PLCB4: variants seen among roughly 807,000 people sequenced by gnomAD.
PLCB4 encodes 1-phosphatidylinositol 4,5-bisphosphate phosphodiesterase beta-4.
Under a neutral mutation model 178.8 loss-of-function variants are expected in PLCB4, and 77 were observed. That is an observed-to-expected ratio of 0.43 (90% confidence interval 0.36 to 0.52). The LOEUF is 0.52. Ranked by LOEUF, PLCB4 falls within the 20% of genes least tolerant of loss-of-function variation. The probability of loss-of-function intolerance (pLI) is 0.00; values close to 1 mark genes in which losing one functional copy is unlikely to be tolerated. For synonymous variants in PLCB4, 496 were observed against 490.8 expected, an observed-to-expected ratio of 1.01 and a Z score of -0.14; for missense variants, 1,024 against 1,453.4, an observed-to-expected ratio of 0.70 and a Z score of 4.80.
At chr20:9,465,687 G>T (rs1036320355) in intron 35 of PLCB4, among the ~76,000 whole-genome samples, 1 of 152,138 alleles carries the variant, frequency 6.6e-6, no homozygotes. Flanking sequence ...ATTTGCATTT[G>T]CTACAAAGAG....
chr20:9,387,548 C>CT lies in PLCB4; in HGVS notation c.1155dup (p.Lys386Ter). On this transcript the variant is annotated frameshift_variant, in exon 15 of 40. Transcript: ENST00000378473. LOFTEE classifies it high-confidence loss of function. ...TGGAAAAGCAATGTGTACAGATATC[C>CT]TTTTTAAGGTAACTTTAAAAATAAT... 1 of 1,495,494 alleles carries CT rather than the reference C, an allele frequency of 6.7e-7. No individual in the cohort carries two copies. The highest frequency in any genetic ancestry group is 9.2e-7 in the Non-Finnish European group (1 of 1,084,740). 92.6% of individuals were successfully genotyped at this position (1,495,494 alleles called of 1,614,324 possible). A position where few individuals can be genotyped will look rare whatever the true frequency, so the allele number is the denominator to read the frequency against.
chr20:9,242,325 A>T (rs1044922949), intron 3 of PLCB4, among the ~76,000 whole-genome samples: 2 of 152,222 alleles, frequency 1.3e-5, no homozygotes, highest in Admixed American at 6.5e-5. Flanking sequence ...AGAAAGAGTC[A>T]TTATGAAGAG....
intron 2 of PLCB4, among the ~76,000 whole-genome samples, chr20:9,125,997 G>A (rs1166532692): frequency 6.6e-6 from 1 of 152,032 alleles, no homozygotes; most frequent in Non-Finnish European, 1.5e-5. Flanking sequence ...CAGAAAAGGG[G>A]ACAAATTTGT....
chr20:9,268,271 G>C (rs1391314052), intron 3 of PLCB4, among the ~76,000 whole-genome samples: 1 of 152,140 alleles, frequency 6.6e-6, no homozygotes, highest in African/African-American at 2.4e-5. Context: ...CCATGGCTGG[G>C]TCTAGGGTCT....
At chr20:9,302,854 C>CT (rs796654636) in intron 3 of PLCB4, among the ~76,000 whole-genome samples, 3,186 of 145,792 alleles carry the variant, frequency 0.022, 101 homozygotes, top group African/African-American at 0.073. Flanking sequence ...CTGTAAAAAG[C>CT]TTTTTTTTTT....
Position 9,384,059 on chromosome 20 carries a change from C to T in PLCB4, c.854-142C>T, listed in dbSNP as rs1023225783. The T allele has an allele frequency of 2.3e-5, 15 of 648,528 alleles. No homozygotes were observed. The African/African-American group carries it at 2.7e-4, about 12-fold the overall frequency. 40.2% of individuals were successfully genotyped at this position (648,528 alleles called of 1,614,324 possible). On this transcript the variant is annotated intron_variant, in intron 13 of 39. Coordinates refer to ENST00000378473, the MANE Select transcript of PLCB4 (RefSeq NM_001377142.1). ...GCAACTCTCTTATTTCATTCAAGTT[C>T]TGACAGATGAAAGTTCTTGGGAAAG... is the stretch of plus-strand genomic sequence containing the variant.
intron 35 of PLCB4, among the ~76,000 whole-genome samples, chr20:9,462,921 G>A (rs1430390775): frequency 2.0e-5 from 3 of 152,062 alleles, no homozygotes; most frequent in African/African-American, 4.8e-5. Context: ...AGAGAACACC[G>A]CAAAGATACT....
chr20:9,079,689 G>A (rs2090052714), intron 1 of PLCB4, among the ~76,000 whole-genome samples: 1 of 152,114 alleles, frequency 6.6e-6, no homozygotes, highest in South Asian at 2.1e-4. Flanking sequence ...GAAAGCTTAT[G>A]ATCTGGTTTT....
chr20:9,418,335 A>G (rs971799513), intron 25 of PLCB4, among the ~76,000 whole-genome samples: 4 of 152,142 alleles, frequency 2.6e-5, no homozygotes, highest in Non-Finnish European at 4.4e-5. Context: ...TGTATATGGT[A>G]TAAGGTAAAG....
At chr20:9,168,813 G>T (rs1455275197) in intron 2 of PLCB4, among the ~76,000 whole-genome samples, 1 of 152,160 alleles carries the variant, frequency 6.6e-6, no homozygotes, top group East Asian at 1.9e-4. Flanking sequence ...ATGATGTGTG[G>T]CTTGTTTTCT....
chr20:9,160,485 T>A (rs1170643623), intron 2 of PLCB4, among the ~76,000 whole-genome samples: 1 of 152,210 alleles, frequency 6.6e-6, no homozygotes, highest in Admixed American at 6.5e-5. Context: ...TTTGGTATTT[T>A]ATAATTTTTG....
intron 1 of PLCB4, among the ~76,000 whole-genome samples, chr20:9,075,313 T>C (rs1348712452): frequency 6.6e-6 from 1 of 152,162 alleles, no homozygotes; most frequent in Non-Finnish European, 1.5e-5. Context: ...TTTAAGTGAC[T>C]AGGCTGAGAT....
In PLCB4 at chr20:9,457,447, A is replaced by G. The variant is rs2043125477; in HGVS notation, c.3030A>G (p.Thr1010=). The G allele has an allele frequency of 1.3e-6, 2 of 1,571,338 alleles. No individual in the cohort carries two copies. Among genetic ancestry groups the G allele is most frequent in the African/African-American group, 1.4e-5 (1 of 73,976 alleles). Residue 1010 remains threonine (T), a synonymous_variant, in exon 34 of 40, where the codon ACA becomes ACG. Coordinates refer to ENST00000378473, the MANE Select transcript of PLCB4 (RefSeq NM_001377142.1). The part of the protein sequence containing the change: ...GSNCLEMKKE[T]EIKIQTLTSD... ...ATTGTCTCGAAATGAAAAAAGAAAC[A>G]GAAATCAAAATTCAGACGCTGACAT...
chr20:9,374,732 C>A (rs1359124550), intron 12 of PLCB4, among the ~76,000 whole-genome samples: 1 of 152,150 alleles, frequency 6.6e-6, no homozygotes, highest in East Asian at 1.9e-4. Flanking sequence ...AGGCTCTTAT[C>A]TAATGCATTT....
chr20:9,095,183 T>G (rs1267152991), intron 1 of PLCB4, among the ~76,000 whole-genome samples: 2 of 152,224 alleles, frequency 1.3e-5, no homozygotes, highest in Admixed American at 6.5e-5. Context: ...AGTAGGATGT[T>G]GTGAGAATTT....
At chr20:9,076,396 G>C (rs1224724056) in intron 1 of PLCB4, among the ~76,000 whole-genome samples, 1 of 152,142 alleles carries the variant, frequency 6.6e-6, no homozygotes, top group African/African-American at 2.4e-5. Flanking sequence ...GAACCTCGGA[G>C]GCAGAGGCTG....
chr20:9,253,179 C>T (rs183753584), intron 3 of PLCB4, among the ~76,000 whole-genome samples: 17 of 152,318 alleles, frequency 1.1e-4, no homozygotes, highest in Admixed American at 3.3e-4. Context: ...TAGAAGCTCT[C>T]GGGTGAGTAA....
intron 1 of PLCB4, among the ~76,000 whole-genome samples, chr20:9,074,736 G>C (rs2089750193): frequency 6.7e-6 from 1 of 148,712 alleles, no homozygotes; most frequent in Non-Finnish European, 1.5e-5. Flanking sequence ...TGGTGTTTCA[G>C]AATATAATTC....
intron 2 of PLCB4, among the ~76,000 whole-genome samples, chr20:9,157,075 A>T (rs918033856): frequency 2.6e-5 from 4 of 151,872 alleles, no homozygotes; most frequent in Non-Finnish European, 1.5e-5. Context: ...AATGCCTGCT[A>T]AATGGAGTGG....
Sources: gnomAD v4.1 joint callset for allele counts (sites outside exome capture counted in the v4.1 genomes callset) on GRCh38, gnomAD v4.1.1 for gene constraint, MANE v1.5 for transcripts, NCBI Gene and HGNC (gene_info 2026-07-23, HGNC 2026-07-21) for gene names.